MUS81: variants seen among roughly 807,000 people sequenced by gnomAD.
MUS81 encodes the protein structure-specific endonuclease subunit MUS81.
Under a neutral mutation model 74.2 loss-of-function variants are expected in MUS81, and 69 were observed. That is an observed-to-expected ratio of 0.93 (90% CI 0.77 to 1.14). The LOEUF is 1.14. Among genes scored for constraint, MUS81 ranks in the 50% most tolerant of loss-of-function variants. The pLI, the probability that MUS81 is intolerant of heterozygous loss-of-function variation, is 0.00. For missense variants in MUS81, 711 were observed against 726.5 expected (o/e 0.98, Z 0.25); for synonymous variants, 303 against 300.6 (o/e 1.01, Z -0.08).
rs1391648979 is a variant in MUS81, at chr11:65,860,811, C to T, written c.58C>T (p.Leu20Phe). Residue 20 changes from leucine to phenylalanine, a missense_variant, in exon 1 of 16, where the codon CTC becomes TTC. Leu to Phe is a conservative substitution (Grantham distance 22, BLOSUM62 0). Coordinates refer to ENST00000308110, the MANE Select transcript of MUS81 (RefSeq NM_025128.5). ...CCCGCTGCCTGCCTGTCCCAACCCGCTCTTCGTTCGCTGGCTGACCGAGTG... is the reference window on the plus strand; with the variant it reads ...CCCGCTGCCTGCCTGTCCCAACCCGTTCTTCGTTCGCTGGCTGACCGAGTG... ...KRPLPACPNP[L>F]FVRWLTEWRD... 5.2e-6 allele frequency: 8 copies of T among 1,546,698 alleles called. No homozygotes were observed. The East Asian group carries it at 1.9e-4, about 38-fold the overall frequency.
Position 65,865,005 on chromosome 11 carries a change from T to C in MUS81, c.1273-12T>C. 1 of 1,612,968 alleles carries C rather than the reference T, an allele frequency of 6.2e-7. No homozygotes were observed. On this transcript the variant is annotated splice_polypyrimidine_tract_variant and intron_variant, in intron 12 of 15. Transcript: ENST00000308110. ...CGAGCTCCAGCCTGGCCTCAGTCCC[T>C]TCTTCCCTCAGGGCCACACCCTACG...
At chr11:65,861,767 C>G (rs774721459) in intron 3 of MUS81, 180 bp from the exon 4 acceptor site, 1 of 636,410 alleles carries the variant, frequency 1.6e-6, no homozygotes, top group East Asian at 2.8e-5. Flanking sequence ...CCCACTGCCC[C>G]GAAACTGCCT....
intron 5 of MUS81, 67 bp from the exon 6 acceptor site, chr11:65,862,377 G>A: frequency 6.3e-7 from 1 of 1,588,590 alleles, no homozygotes; most frequent in South Asian, 1.1e-5. Context: ...CCATGGCTGG[G>A]GACACAGGGA....
chr11:65,866,587 G>A, downstream of MUS81: 1 of 702,878 alleles, frequency 1.4e-6, no homozygotes, highest in Non-Finnish European at 2.6e-6. Flanking sequence ...ACCCCTGCAA[G>A]CCAGCCAAGT....
chr11:65,863,577 G>C (rs1441998213), intron 8 of MUS81, 23 bp from the exon 9 acceptor site: 6 of 1,613,924 alleles, frequency 3.7e-6, no homozygotes, highest in Non-Finnish European at 5.1e-6. Flanking sequence ...CTCTGATCTA[G>C]GCTTCCCTCC....
Position 65,860,997 on chromosome 11 carries a change from C to T in MUS81, c.160C>T (p.Pro54Ser), listed in dbSNP as rs1206881614. 6.2e-7 allele frequency: 1 copy of T among 1,612,340 alleles called. No homozygotes were observed. Among genetic ancestry groups the T allele is most frequent in the Non-Finnish European group, 8.5e-7 (1 of 1,179,744 alleles). ...QKALRSLRRY[P>S]LPLRSGKEAK... ...GGCGCTGCGTTCCCTCCGACGGTAC[C>T]CACTGCCGCTGCGCAGCGGGAAGGA... Residue 54 changes from proline to serine, a missense_variant, in exon 2 of 16, where the codon CCA becomes TCA. Pro to Ser is a moderately conservative substitution (Grantham distance 74). Transcript: ENST00000308110.
In MUS81 at chr11:65,862,489, C is replaced by G; in HGVS notation, c.565C>G (p.Leu189Val). Residue 189 changes from leucine (L) to valine (V), a missense_variant, in exon 6 of 16, where the codon CTT becomes GTT. Coordinates refer to ENST00000308110, the MANE Select transcript of MUS81 (RefSeq NM_025128.5). ...ARPWPALRSL[L>V]HRNLVLRTHQ... is the part of the protein sequence containing the mutation. ...ACCCTGGCCAGCCCTCCGCTCCCTC[C>G]TTCACAGGAACCTGGTCCTCAGGAC... 6.2e-7 allele frequency: 1 copy of G among 1,613,828 alleles called. No homozygotes were observed. The highest frequency in any genetic ancestry group is 8.5e-7 in the Non-Finnish European group (1 of 1,179,968).
chr11:65,862,325 C>A, intron 5 of MUS81, 46 bp downstream of exon 5: 1 of 1,605,468 alleles, frequency 6.2e-7, no homozygotes, highest in Non-Finnish European at 8.5e-7. Context: ...GCTCTGGGGC[C>A]CACCAAAGAC....
In MUS81 at chr11:65,865,343, T is replaced by TA; in HGVS notation, c.1505+21dup. 6.2e-7 allele frequency: 1 copy of TA among 1,606,720 alleles called. No homozygotes were observed. Among genetic ancestry groups the TA allele is most frequent in the Non-Finnish European group, 8.5e-7 (1 of 1,175,126 alleles). On this transcript the variant is annotated intron_variant, in intron 14 of 15. Transcript: ENST00000308110. ...TGCCAGGTAGGCCCTAAAGGGCCCT[T>TA]AGGTGTCCTCAGCCCCTGCCCTCCA...
Position 65,861,440 on chromosome 11 carries a change from G to C in MUS81, c.351+5G>C. 1 of 1,594,440 alleles carries C rather than the reference G, an allele frequency of 6.3e-7. No homozygotes were observed. ...GTCCAGGACTCTTCCATGCCAGTGAGGAAGGGGCAAGGGGAGTGGAAGGCA... is the reference window on the plus strand; with the variant it reads ...GTCCAGGACTCTTCCATGCCAGTGACGAAGGGGCAAGGGGAGTGGAAGGCA... On this transcript the variant is annotated splice_donor_5th_base_variant and intron_variant, in intron 3 of 15. Coordinates refer to ENST00000308110, the MANE Select transcript of MUS81 (RefSeq NM_025128.5).
At chr11:65,859,746 G>C (rs980457407), upstream of MUS81, among the ~76,000 whole-genome samples, 2 of 152,200 alleles carry the variant, frequency 1.3e-5, no homozygotes, top group Admixed American at 6.5e-5. Context: ...CGGGTCGCCT[G>C]TGTCCAACTC....
Position 65,860,603 on chromosome 11 carries a change from T to A in MUS81, c.-151T>A. ...AGGCTCTCCTCTCGTTAGTGCCCCCTGTGTTTGGGGCCCCGTGATCTCAAC... is the reference window on the plus strand; with the variant it reads ...AGGCTCTCCTCTCGTTAGTGCCCCCAGTGTTTGGGGCCCCGTGATCTCAAC... On this transcript the variant is annotated 5_prime_UTR_variant, in exon 1 of 16. Coordinates refer to ENST00000308110, the MANE Select transcript of MUS81 (RefSeq NM_025128.5). 2 of 1,059,708 alleles carry A rather than the reference T, an allele frequency of 1.9e-6. No individual in the cohort carries two copies. Among genetic ancestry groups the A allele is most frequent in the Non-Finnish European group, 2.8e-6 (2 of 726,462 alleles). 65.6% of individuals were successfully genotyped at this position (1,059,708 alleles called of 1,614,324 possible). A position where few individuals can be genotyped will look rare whatever the true frequency, so the allele number is the denominator to read the frequency against.
chr11:65,865,233 G>A lies in MUS81; in HGVS notation c.1415G>A (p.Arg472Gln), dbSNP rs747015071. ...GAIKNKAQSV[R>Q]EVFARQLMQV... ...TCCCGAACCCAGGCCCAGTCGGTGC[G>A]AGAAGTGTTTGCCCGGCAGCTGATG... Residue 472 changes from arginine to glutamine, a missense_variant, in exon 14 of 16, where the codon CGA (arginine) becomes CAA (glutamine). Physicochemically the swap from Arg to Gln is conservative, Grantham distance 43. Transcript: ENST00000308110. 9.9e-6 allele frequency: 16 copies of A among 1,614,044 alleles called. No homozygotes were observed. In the East Asian group the frequency reaches 1.1e-4, roughly 11 times the overall value.
chr11:65,863,113 G>T lies in MUS81; in HGVS notation c.654G>T (p.Glu218Asp). ...TGGAGCTGGCCCAGAAGTTGGCCGA[G>T]TCAGAAGGCCTGAGCTTGCTGAATG... ...EGLELAQKLAESEGLSLLNVG... is the reference protein window; with the variant it reads ...EGLELAQKLADSEGLSLLNVG... Residue 218 changes from glutamate (E) to aspartate (D), a missense_variant, in exon 7 of 16, where the codon GAG becomes GAT. Coordinates refer to ENST00000308110, the MANE Select transcript of MUS81 (RefSeq NM_025128.5). 6.2e-7 allele frequency: 1 copy of T among 1,614,178 alleles called. No individual in the cohort carries two copies. Among genetic ancestry groups the T allele is most frequent in the Non-Finnish European group, 8.5e-7 (1 of 1,180,038 alleles).
downstream of MUS81, chr11:65,867,540 A>G (rs1220494378): frequency 2.2e-6 from 1 of 462,724 alleles, no homozygotes; most frequent in Non-Finnish European, 4.0e-6. Context: ...CCCACCTAAC[A>G]GATCCACTAG....
chr11:65,867,646 G>C, downstream of MUS81: 1 of 620,872 alleles, frequency 1.6e-6, no homozygotes, highest in Non-Finnish European at 2.9e-6. Flanking sequence ...CCAGTACCAG[G>C]ACTCAAACTC....
rs748475188 is a variant in MUS81, at chr11:65,862,049, A to AG, written c.450+5dup. On this transcript the variant is annotated splice_donor_region_variant and intron_variant, in intron 4 of 15. Coordinates refer to ENST00000308110, the MANE Select transcript of MUS81 (RefSeq NM_025128.5). ...GGTGCTCTACCGGGAGCACCTGGTG[A>AG]GCACTGGGCTACACCGGGAGGCGGA... 14 of 1,607,018 alleles carry AG rather than the reference A, an allele frequency of 8.7e-6. No individual in the cohort carries two copies. In the East Asian group the frequency reaches 3.1e-4, roughly 36 times the overall value.
At position 65,863,638 on chromosome 11, in the gene MUS81, GGCTGCACGTGACCCACACGGTGCGCAA is replaced by G. The variant is rs751250230; in HGVS notation, c.888_914del (p.Thr297_Val305del). On this transcript the variant is annotated inframe_deletion, in exon 9 of 16. Transcript: ENST00000308110. ...CCGGAGCTGCTCCGAGAGCTACAGCGGCTGCACGTGACCCACACGGTGCGCAAGCTGCACGTTGGAGATTTTGTGTGG... is the reference window on the plus strand; with the variant it reads ...CCGGAGCTGCTCCGAGAGCTACAGCGGCTGCACGTTGGAGATTTTGTGTGG... 1.9e-6 allele frequency: 3 copies of G among 1,613,908 alleles called. No individual in the cohort carries two copies. The African/African-American group carries it at 4.0e-5, about 22-fold the overall frequency.
At chr11:65,864,686 A>T in intron 11 of MUS81, 34 bp from the exon 12 acceptor site, 1 of 1,613,222 alleles carries the variant, frequency 6.2e-7, no homozygotes. Context: ...CTAGGCCAGG[A>T]GCCACCTTCC....
Sources: allele counts gnomAD v4.1 joint callset (sites outside exome capture counted in the v4.1 genomes callset), GRCh38; gene constraint gnomAD v4.1.1; transcripts MANE v1.5; gene names NCBI Gene and HGNC (gene_info 2026-07-23, HGNC 2026-07-21).